ARSG: variants seen among roughly 807,000 people sequenced by gnomAD.
The protein encoded by ARSG is ASG.
In ARSG, 37 loss-of-function variants were observed where a neutral mutation model predicts 50.5. The observed-to-expected ratio is 0.73, with a 90% CI of 0.56 to 0.96. The LOEUF (loss-of-function observed/expected upper bound fraction) is 0.96, where lower values mean the gene tolerates loss of function less well. Among genes scored for constraint, ARSG ranks in the 50% least tolerant of loss-of-function variants. The pLI is 0.00. For synonymous variants in ARSG, 225 were observed against 254.6 expected (o/e 0.88, Z 1.11); for missense variants, 629 against 675.3 (o/e 0.93, Z 0.76).
chr17:68,375,509 C>T (rs1488060838), intron 8 of ARSG, among the ~76,000 whole-genome samples: 1 of 152,218 alleles, frequency 6.6e-6, no homozygotes, highest in Non-Finnish European at 1.5e-5. Flanking sequence ...TAGAGCTACA[C>T]AGTCTGGTAT....
intron 2 of ARSG, among the ~76,000 whole-genome samples, chr17:68,333,215 G>A (rs1043243281): frequency 2.0e-5 from 3 of 152,202 alleles, no homozygotes; most frequent in Non-Finnish European, 4.4e-5. Flanking sequence ...CCAGCTACTC[G>A]AGAGGCTGAG....
intron 1 of ARSG, among the ~76,000 whole-genome samples, chr17:68,300,552 G>A (rs2076374264): frequency 6.6e-6 from 1 of 152,172 alleles, no homozygotes; most frequent in South Asian, 2.1e-4. Flanking sequence ...CTCAAGTGGA[G>A]GATAGACTTT....
intron 8 of ARSG, among the ~76,000 whole-genome samples, chr17:68,374,819 C>T (rs1325896461): frequency 6.8e-6 from 1 of 147,626 alleles, no homozygotes; most frequent in Non-Finnish European, 1.5e-5. Flanking sequence ...TGCACCACTG[C>T]ACTCCAGCCT....
rs1107191 is a variant in ARSG, at chr17:68,367,284, T to C, written c.705-1264T>C. Among the ~76,000 whole-genome samples the C allele has an allele frequency of 4.6e-5, 7 of 152,220 alleles. No homozygotes were observed. The highest frequency in any genetic ancestry group is 1.4e-4 in the African/African-American group (6 of 41,522). On this transcript the variant is annotated intron_variant, in intron 6 of 11. Coordinates refer to ENST00000621439, the MANE Select transcript of ARSG (RefSeq NM_001267727.2). This position sits in a 1 kb window ranked among gnomAD's most constrained non-coding sequence, Gnocchi z 4.5. ...AAGCACAGTCCCAGGCGGCAGACCCTGGGAGCCAGGGTGCAGGGGGGATTT... is the reference window on the plus strand; with the variant it reads ...AAGCACAGTCCCAGGCGGCAGACCCCGGGAGCCAGGGTGCAGGGGGGATTT...
chr17:68,356,024 G>A (rs2079016956), intron 5 of ARSG, among the ~76,000 whole-genome samples: 1 of 152,102 alleles, frequency 6.6e-6, no homozygotes, highest in Non-Finnish European at 1.5e-5. Context: ...TGGGATTACA[G>A]ATGTGCACTG....
chr17:68,291,440 C>T (rs1410274766), upstream of ARSG: 15 of 150,940 alleles, frequency 9.9e-5, no homozygotes, highest in African/African-American at 3.4e-4. Flanking sequence ...CGCCGCCGAC[C>T]ATGTGCTGCG....
chr17:68,337,517 G>A (rs914430810), intron 2 of ARSG, among the ~76,000 whole-genome samples: 15 of 152,180 alleles, frequency 9.9e-5, no homozygotes, highest in African/African-American at 3.6e-4. Context: ...GAAGGCGAAG[G>A]AGGAAGGTTT....
the ARSG span, chr17:68,436,292 C>T: frequency 1.9e-3 from 2,217 of 1,187,992 alleles, 39 homozygotes; most frequent in African/African-American, 0.028. Context: ...CGCCTCCAGC[C>T]CCCGACGGCA....
chr17:68,377,629 A>AT (rs1347614604), intron 8 of ARSG, among the ~76,000 whole-genome samples: 1 of 152,130 alleles, frequency 6.6e-6, no homozygotes, highest in Non-Finnish European at 1.5e-5. Context: ...ATTAGACTAA[A>AT]TTTCTTCATT....
At chr17:68,259,722 G>A (rs1281616632) in intron 1 of ARSG, among the ~76,000 whole-genome samples, 6 of 151,974 alleles carry the variant, frequency 3.9e-5, no homozygotes, top group African/African-American at 1.2e-4. Flanking sequence ...TCAAATTCCC[G>A]TGTGTTTGTT....
chr17:68,388,252 C>T (rs11654799), intron 9 of ARSG, among the ~76,000 whole-genome samples: 11,465 of 152,136 alleles, frequency 0.075, 777 homozygotes, highest in East Asian at 0.23. Context: ...GCTTTCCCAA[C>T]CGTGGCGTGG....
intron 2 of ARSG, among the ~76,000 whole-genome samples, chr17:68,315,565 T>C (rs1555768201): frequency 6.6e-6 from 1 of 151,944 alleles, no homozygotes; most frequent in Admixed American, 6.6e-5. Flanking sequence ...ATTTTTTTTC[T>C]CCCTTTGGTG....
chr17:68,322,472 C>T (rs1555770881), intron 2 of ARSG, among the ~76,000 whole-genome samples: 1 of 152,096 alleles, frequency 6.6e-6, no homozygotes, highest in Non-Finnish European at 1.5e-5. Flanking sequence ...CAAAAATTAG[C>T]TGGGCATGGT....
the ARSG span, among the ~76,000 whole-genome samples, chr17:68,447,854 G>C: frequency 2.6e-5 from 4 of 151,816 alleles, no homozygotes; most frequent in Non-Finnish European, 4.4e-5. Context: ...TTAGCCGGGC[G>C]TGGTGGCAGG....
intron 11 of ARSG, among the ~76,000 whole-genome samples, chr17:68,416,407 T>G (rs1163169402): frequency 6.6e-6 from 1 of 152,218 alleles, no homozygotes; most frequent in East Asian, 1.9e-4. Context: ...CTTTATAGGA[T>G]ACCTGGTATT....
At chr17:68,324,354 G>A (rs1555771656) in intron 2 of ARSG, among the ~76,000 whole-genome samples, 1 of 152,176 alleles carries the variant, frequency 6.6e-6, no homozygotes, top group Non-Finnish European at 1.5e-5. Context: ...GTGGATGTGA[G>A]TCAGGCTCTC....
At chr17:68,375,099 A>G (rs1372666947) in intron 8 of ARSG, among the ~76,000 whole-genome samples, 2 of 152,184 alleles carry the variant, frequency 1.3e-5, no homozygotes, top group Non-Finnish European at 2.9e-5. Flanking sequence ...TTTGATTTTA[A>G]TATGCAGACA....
At chr17:68,345,952 T>C (rs955695179) in intron 3 of ARSG, among the ~76,000 whole-genome samples, 2 of 152,170 alleles carry the variant, frequency 1.3e-5, no homozygotes, top group African/African-American at 4.8e-5. Flanking sequence ...CTCTGCCCAC[T>C]GCAACCCCCA....
intron 2 of ARSG, among the ~76,000 whole-genome samples, chr17:68,340,032 T>G (rs2078198657): frequency 6.6e-6 from 1 of 152,114 alleles, no homozygotes; most frequent in South Asian, 2.1e-4. Context: ...AAAATGGTGA[T>G]TTCCTGAGCC....
Sources: gnomAD v4.1 joint callset for allele counts (sites outside exome capture counted in the v4.1 genomes callset) on GRCh38, gnomAD v4.1.1 for gene constraint, Gnocchi (gnomAD v3.1) non-coding constraint, MANE v1.5 for transcripts, NCBI Gene and HGNC (gene_info 2026-07-23, HGNC 2026-07-21) for gene names.